The following GPR158 variants were observed in gnomAD, a reference collection of about 807,000 sequenced individuals.
GPR158 encodes the protein metabotropic glycine receptor.
In GPR158, 30 loss-of-function variants were observed where a neutral mutation model predicts 78.2. That is an observed-to-expected ratio of 0.38 (90% CI 0.29 to 0.52). GPR158 has a LOEUF of 0.52. Ranked by LOEUF, GPR158 falls within the 20% of genes least tolerant of loss-of-function variation. The probability of loss-of-function intolerance (pLI) is 0.83; values close to 1 mark genes in which losing one functional copy is unlikely to be tolerated. For synonymous variants in GPR158, 581 were observed against 591.1 expected (o/e 0.98, Z 0.25); for missense variants, 1,463 against 1,523.5 (o/e 0.96, Z 0.66).
At chr10:25,384,201 T>C (rs1187547128) in intron 2 of GPR158, among the ~76,000 whole-genome samples, 3 of 152,198 alleles carry the variant, frequency 2.0e-5, no homozygotes, top group Non-Finnish European at 4.4e-5. Context: ...GTTAAGTCTA[T>C]ATTTTAGGAT....
intron 2 of GPR158, among the ~76,000 whole-genome samples, chr10:25,279,967 G>GAAA (rs112979632): frequency 8.3e-6 from 1 of 119,996 alleles, no homozygotes; most frequent in Admixed American, 8.2e-5. Flanking sequence ...CCATTAAAAT[G>GAAA]AAAAAAAAAA....
chr10:25,340,782 C>G (rs1208599351), intron 2 of GPR158, among the ~76,000 whole-genome samples: 3 of 151,988 alleles, frequency 2.0e-5, no homozygotes, highest in Non-Finnish European at 2.9e-5. Context: ...ACAGGAAGAG[C>G]AGAGAATGAA....
chr10:25,423,616 A>G (rs534673845), intron 4 of GPR158, among the ~76,000 whole-genome samples: 21 of 152,220 alleles, frequency 1.4e-4, no homozygotes, highest in Middle Eastern at 3.4e-3. Flanking sequence ...ATTCCCACCT[A>G]TGAGTAAGAA....
intron 7 of GPR158, among the ~76,000 whole-genome samples, chr10:25,573,595 T>TTAGTC (rs1334919639): frequency 6.6e-6 from 1 of 152,236 alleles, no homozygotes; most frequent in Admixed American, 6.5e-5. Flanking sequence ...GTTGCTCATA[T>TTAGTC]TAGTCTATTT....
intron 5 of GPR158, among the ~76,000 whole-genome samples, chr10:25,542,360 GC>G: frequency 6.6e-6 from 1 of 152,270 alleles, no homozygotes; most frequent in East Asian, 1.9e-4. Flanking sequence ...GACTCTCAGA[GC>G]TTTGGGAACA....
chr10:25,177,494 C>G (rs1852554723), intron 1 of GPR158, among the ~76,000 whole-genome samples: 2 of 152,036 alleles, frequency 1.3e-5, no homozygotes, highest in African/African-American at 4.8e-5. Context: ...TTTTAAATAC[C>G]CTGTCACAGC....
At chr10:25,418,264 T>C (rs1345741992) in intron 4 of GPR158, among the ~76,000 whole-genome samples, 1 of 152,194 alleles carries the variant, frequency 6.6e-6, no homozygotes, top group African/African-American at 2.4e-5. Context: ...AGGCCCAAAA[T>C]ATCAACTCAA....
intron 3 of GPR158, among the ~76,000 whole-genome samples, chr10:25,403,811 A>G (rs996954461): frequency 6.6e-6 from 1 of 152,058 alleles, no homozygotes; most frequent in Non-Finnish European, 1.5e-5. Flanking sequence ...GGTGAGTTGA[A>G]TATTATTTTC....
chr10:25,312,794 A>G (rs1854784445), intron 2 of GPR158, among the ~76,000 whole-genome samples: 1 of 152,240 alleles, frequency 6.6e-6, no homozygotes, highest in African/African-American at 2.4e-5. Context: ...TCTTAAGTGA[A>G]ATTGAATCAT....
chr10:25,480,042 C>CGG lies in GPR158; in HGVS notation c.1404+13323_1404+13324insGG, dbSNP rs1264521480. On this transcript the variant is annotated intron_variant, in intron 5 of 10. Transcript: ENST00000376351. Reference sequence around the variant, plus strand: ...TTATTTTCATTTTTCTCCTCTACATCCCTGCTTTCTTGGAGCCATTTTATC... The same window carrying CGG: ...TTATTTTCATTTTTCTCCTCTACATCGGCCTGCTTTCTTGGAGCCATTTTATC... Among the ~76,000 whole-genome samples the CGG allele has an allele frequency of 3.9e-5, 6 of 152,066 alleles. No individual in the cohort carries two copies. The East Asian group carries it at 1.2e-3, about 29-fold the overall frequency.
At chr10:25,433,344 G>A (rs1199398572) in intron 4 of GPR158, among the ~76,000 whole-genome samples, 1 of 151,458 alleles carries the variant, frequency 6.6e-6, no homozygotes, top group Non-Finnish European at 1.5e-5. Flanking sequence ...GAAACTTAAC[G>A]TGCCAGATGC....
intron 4 of GPR158, among the ~76,000 whole-genome samples, chr10:25,433,690 CTTTCTTTTTTTT>C (rs1337642938): frequency 1.1e-5 from 1 of 93,260 alleles, no homozygotes; most frequent in Non-Finnish European, 2.3e-5. Context: ...TTCTTTCTTT[CTTTCTTTTTTTT>C]TTTTTTTTTG....
chr10:25,414,614 A>G (rs1834634828), intron 4 of GPR158, among the ~76,000 whole-genome samples: 1 of 152,152 alleles, frequency 6.6e-6, no homozygotes, highest in Non-Finnish European at 1.5e-5. Context: ...AGAACATTCC[A>G]GTGTAGAGAT....
chr10:25,192,091 G>T (rs116862908), intron 1 of GPR158, among the ~76,000 whole-genome samples: 1 of 152,088 alleles, frequency 6.6e-6, no homozygotes, highest in South Asian at 2.1e-4. Flanking sequence ...TAATTCCCAC[G>T]TGTCAAGGGA....
At chr10:25,236,760 G>A (rs916689704) in intron 2 of GPR158, among the ~76,000 whole-genome samples, 9 of 152,142 alleles carry the variant, frequency 5.9e-5, no homozygotes, top group Non-Finnish European at 1.0e-4. Flanking sequence ...TTTCTCCTAT[G>A]TGCCACTGTA....
intron 2 of GPR158, among the ~76,000 whole-genome samples, chr10:25,336,628 G>T (rs1322824207): frequency 6.6e-6 from 1 of 152,086 alleles, no homozygotes; most frequent in Non-Finnish European, 1.5e-5. Context: ...GGGATTGGGA[G>T]AAATGTTTGA....
intron 2 of GPR158, among the ~76,000 whole-genome samples, chr10:25,264,780 T>C (rs1179409960): frequency 6.6e-6 from 1 of 152,206 alleles, no homozygotes; most frequent in Non-Finnish European, 1.5e-5. Flanking sequence ...GCCAATATGA[T>C]GTTATTGAAA....
intron 1 of GPR158, among the ~76,000 whole-genome samples, chr10:25,198,228 A>G (rs1488895888): frequency 1.3e-5 from 2 of 152,174 alleles, no homozygotes; most frequent in Non-Finnish European, 2.9e-5. Context: ...TCAAACTTAT[A>G]TTTTGCAACA....
intron 2 of GPR158, among the ~76,000 whole-genome samples, chr10:25,388,053 T>C (rs1341965): frequency 0.49 from 74,577 of 152,046 alleles, 21,155 homozygotes; most frequent in Non-Finnish European, 0.66. Flanking sequence ...TTGACCACCA[T>C]ATCTTATGCA....
Sources: allele counts gnomAD v4.1 joint callset (sites outside exome capture counted in the v4.1 genomes callset), GRCh38; gene constraint gnomAD v4.1.1; transcripts MANE v1.5; gene names NCBI Gene and HGNC (gene_info 2026-07-23, HGNC 2026-07-21).